Variants in DPP6 observed in about 807,000 individuals in gnomAD.
The protein encoded by DPP6 is dipeptidyl peptidase like 6.
DPP6 carries 69 observed loss-of-function variants against 122.6 expected under a neutral mutation model. That is an observed-to-expected ratio of 0.56 (90% CI 0.46 to 0.69). The LOEUF (loss-of-function observed/expected upper bound fraction) is 0.69. DPP6 is among the 30% of genes least tolerant of loss of function. The probability of loss-of-function intolerance (pLI) is 0.00; values close to 1 mark genes in which losing one functional copy is unlikely to be tolerated. For synonymous variants in DPP6, 418 were observed against 433.1 expected (o/e 0.97, Z 0.43); for missense variants, 928 against 1,116.9 (o/e 0.83, Z 2.41).
chr7:154,748,662 G>T (rs1001313437), intron 8 of DPP6, among the ~76,000 whole-genome samples: 1 of 152,170 alleles, frequency 6.6e-6, no homozygotes, highest in Non-Finnish European at 1.5e-5. Flanking sequence ...AGTTTCTCGC[G>T]CATGGCGGTA....
chr7:153,785,128 T>C, the DPP6 span, among the ~76,000 whole-genome samples: 1 of 152,120 alleles, frequency 6.6e-6, no homozygotes, highest in Non-Finnish European at 1.5e-5. Flanking sequence ...TGATGCTTGG[T>C]TGGGAACTGG....
At chr7:154,236,561 A>G (rs1025345706) in intron 1 of DPP6, among the ~76,000 whole-genome samples, 1 of 152,132 alleles carries the variant, frequency 6.6e-6, no homozygotes, top group African/African-American at 2.4e-5. Context: ...GTGTAATTGT[A>G]CTTCTAGGGA....
chr7:154,072,507 A>G (rs1329789018), intron 1 of DPP6, among the ~76,000 whole-genome samples: 1 of 152,234 alleles, frequency 6.6e-6, no homozygotes, highest in Non-Finnish European at 1.5e-5. Flanking sequence ...CATGAATTGC[A>G]CAGATCTCCC....
chr7:154,759,312 C>T (rs943058105), intron 8 of DPP6, among the ~76,000 whole-genome samples: 1 of 152,220 alleles, frequency 6.6e-6, no homozygotes, highest in African/African-American at 2.4e-5. Context: ...TAAATGCCTC[C>T]TTCACATCAG....
At chr7:153,871,420 G>C in the DPP6 span, among the ~76,000 whole-genome samples, 17 of 152,326 alleles carry the variant, frequency 1.1e-4, 1 homozygote, top group Admixed American at 9.8e-4. Context: ...AGTAATGAGC[G>C]AGGCTCCGTG....
chr7:154,218,635 G>C (rs1199275707), intron 1 of DPP6, among the ~76,000 whole-genome samples: 1 of 152,138 alleles, frequency 6.6e-6, no homozygotes, highest in Non-Finnish European at 1.5e-5. Context: ...CTGCAGCTTT[G>C]CACTAAGACA....
At chr7:154,354,894 A>G (rs1811151351) in intron 1 of DPP6, among the ~76,000 whole-genome samples, 1 of 152,190 alleles carries the variant, frequency 6.6e-6, no homozygotes, top group South Asian at 2.1e-4. Flanking sequence ...GTTGTGAGCT[A>G]TGAACATGTT....
intron 7 of DPP6, among the ~76,000 whole-genome samples, chr7:154,715,625 G>A (rs937101998): frequency 6.6e-6 from 1 of 152,184 alleles, no homozygotes; most frequent in Non-Finnish European, 1.5e-5. Flanking sequence ...ACTTCAGTGT[G>A]AGTGCTGACA....
chr7:154,418,031 A>G (rs1253175461), intron 1 of DPP6, among the ~76,000 whole-genome samples: 3 of 152,224 alleles, frequency 2.0e-5, no homozygotes, highest in African/African-American at 4.8e-5. Context: ...TAATCCAACC[A>G]TACTGGGAAA....
chr7:153,792,556 T>C, the DPP6 span, among the ~76,000 whole-genome samples: 2 of 152,208 alleles, frequency 1.3e-5, no homozygotes, highest in East Asian at 3.8e-4. Context: ...TACTCAAATA[T>C]ACATTTCTTA....
At chr7:154,079,395 C>T (rs1228527631) in intron 1 of DPP6, among the ~76,000 whole-genome samples, 2 of 152,104 alleles carry the variant, frequency 1.3e-5, no homozygotes, top group Non-Finnish European at 2.9e-5. Context: ...CCTTTGGAAC[C>T]TGTGGAGAAA....
intron 1 of DPP6, among the ~76,000 whole-genome samples, chr7:154,129,412 G>A (rs3102286): frequency 0.017 from 2,531 of 152,170 alleles, 54 homozygotes; most frequent in African/African-American, 0.042. Context: ...AGCAGAAAGC[G>A]ACAGGGGGCC....
At chr7:154,014,200 A>G (rs373468458) in intron 1 of DPP6, among the ~76,000 whole-genome samples, 1,699 of 148,684 alleles carry the variant, frequency 0.011, 12 homozygotes, top group East Asian at 0.045. Flanking sequence ...AACTGTGGGA[A>G]TTTCTGACTG....
intron 1 of DPP6, among the ~76,000 whole-genome samples, chr7:154,044,868 AT>A (rs896735182): frequency 1.3e-5 from 2 of 151,482 alleles, no homozygotes; most frequent in Non-Finnish European, 2.9e-5. Flanking sequence ...GGCACGGAAG[AT>A]TTTTTTTATG....
chr7:154,001,973 T>C (rs1338669784), intron 1 of DPP6, among the ~76,000 whole-genome samples: 3 of 151,762 alleles, frequency 2.0e-5, no homozygotes, highest in African/African-American at 7.3e-5. Flanking sequence ...ACAGGTTTCA[T>C]TGTCTGTGCC....
rs921748766 is a variant in DPP6 at position 154,863,332 on chromosome 7, T to A, written c.1715-4663T>A. 6.6e-6 allele frequency among the ~76,000 whole-genome samples: 1 copy of A among 151,102 alleles called. No homozygotes were observed. Among genetic ancestry groups the A allele is most frequent in the African/African-American group, 2.4e-5 (1 of 40,962 alleles). Reference sequence around the variant, plus strand: ...GCATCTTGGCCCCAAGATTCTACAATCCTTTCATAGGATTTTTTTTTTTTT... The same window carrying A: ...GCATCTTGGCCCCAAGATTCTACAAACCTTTCATAGGATTTTTTTTTTTTT... On this transcript the variant is annotated intron_variant, in intron 17 of 25. Coordinates refer to ENST00000377770, the MANE Select transcript of DPP6 (RefSeq NM_130797.4). The surrounding 1 kb of genome is among the most constrained non-coding windows in gnomAD (Gnocchi z 4.1).
intron 8 of DPP6, among the ~76,000 whole-genome samples, chr7:154,748,149 G>C (rs1843123984): frequency 6.6e-6 from 1 of 152,188 alleles, no homozygotes; most frequent in South Asian, 2.1e-4. Context: ...GTGGACAGCA[G>C]CCCATGTAGA....
chr7:153,773,034 AG>A, the DPP6 span, among the ~76,000 whole-genome samples: 1 of 146,772 alleles, frequency 6.8e-6, no homozygotes, highest in South Asian at 2.1e-4. Flanking sequence ...AATATATAAA[AG>A]TCTTTGATAT....
chr7:154,257,963 C>G lies in DPP6; in HGVS notation c.244-188251C>G, dbSNP rs548303344. Among the ~76,000 whole-genome samples, 412 of 152,198 alleles carry G rather than the reference C, an allele frequency of 2.7e-3. 2 individuals are homozygous for G. The highest frequency in any genetic ancestry group is 9.1e-3 in the African/African-American group (377 of 41,530). ...ATCTTAGCTTTTCCTCTCCTTTGTCCCCAAATATCAAAGGGCAAACCACTT... is the reference window on the plus strand; with the variant it reads ...ATCTTAGCTTTTCCTCTCCTTTGTCGCCAAATATCAAAGGGCAAACCACTT... On this transcript the variant is annotated intron_variant, in intron 1 of 25. Coordinates refer to ENST00000377770, the MANE Select transcript of DPP6 (RefSeq NM_130797.4).
Sources: gnomAD v4.1 joint callset for allele counts (sites outside exome capture counted in the v4.1 genomes callset) on GRCh38, gnomAD v4.1.1 for gene constraint, Gnocchi (gnomAD v3.1) non-coding constraint, MANE v1.5 for transcripts, NCBI Gene and HGNC (gene_info 2026-07-23, HGNC 2026-07-21) for gene names.